EYS: variants seen among roughly 807,000 people sequenced by gnomAD.
The protein encoded by EYS is EGF-like photoreceptor maintenance factor.
A neutral mutation model predicts 282.1 loss-of-function variants in EYS; 250 were observed. The observed-to-expected ratio is 0.89, with a 90% CI of 0.80 to 0.98. The LOEUF (loss-of-function observed/expected upper bound fraction) is 0.98, where lower values mean the gene tolerates loss of function less well. Ranked by LOEUF, EYS falls within the 50% of genes least tolerant of loss-of-function variation. The pLI is 0.00. For missense variants in EYS, 4,016 were observed against 3,709.0 expected (o/e 1.08, Z -2.15); for synonymous variants, 1,355 against 1,282.9 (o/e 1.06, Z -1.20).
chr6:64,815,109 T>C (rs1008377784), intron 21 of EYS: 10 of 304,144 alleles, frequency 3.3e-5, no homozygotes, highest in Admixed American at 1.4e-4. Flanking sequence ...CAGTATAATA[T>C]TCCAGTCATG....
At chr6:65,499,923 A>G (rs1397587045) in intron 2 of EYS, among the ~76,000 whole-genome samples, 1 of 151,994 alleles carries the variant, frequency 6.6e-6, no homozygotes, top group African/African-American at 2.4e-5. Context: ...GATTATGACA[A>G]TGATCCTGTG....
chr6:64,802,717 A>C (rs1764284931), intron 22 of EYS, among the ~76,000 whole-genome samples: 2 of 152,166 alleles, frequency 1.3e-5, no homozygotes, highest in Admixed American at 1.3e-4. Flanking sequence ...AACTATCTCA[A>C]GATGAAGTTT....
intron 11 of EYS, chr6:65,302,404 A>G: frequency 1.5e-6 from 1 of 657,780 alleles, no homozygotes; most frequent in South Asian, 1.9e-5. Context: ...AATTTCTGTG[A>G]TCAAGTTGTC....
chr6:63,741,782 C>T (rs916733729), intron 41 of EYS: 23 of 595,300 alleles, frequency 3.9e-5, no homozygotes, highest in Middle Eastern at 2.6e-4. Context: ...CTGAATCAAA[C>T]TGTCAACATT....
intron 31 of EYS, among the ~76,000 whole-genome samples, chr6:64,174,098 A>T (rs1460972054): frequency 5.3e-5 from 8 of 152,188 alleles, no homozygotes; most frequent in Non-Finnish European, 1.2e-4. Context: ...TTCCACTTAC[A>T]TGGGGCATCT....
chr6:65,047,191 T>C (rs1773131076), intron 13 of EYS, among the ~76,000 whole-genome samples: 1 of 151,946 alleles, frequency 6.6e-6, no homozygotes, highest in African/African-American at 2.4e-5. Flanking sequence ...TAAATTGTTA[T>C]TTTTCTAGTC....
chr6:64,616,365 T>C (rs1240822173), intron 24 of EYS, among the ~76,000 whole-genome samples: 1 of 152,122 alleles, frequency 6.6e-6, no homozygotes, highest in Non-Finnish European at 1.5e-5. Flanking sequence ...AGAGAAAATC[T>C]TTTTCCTAGG....
chr6:64,087,563 T>C (rs1010724733), intron 31 of EYS, among the ~76,000 whole-genome samples: 1 of 152,134 alleles, frequency 6.6e-6, no homozygotes, highest in African/African-American at 2.4e-5. Context: ...CTGTGTTTGA[T>C]TCACCTTTGA....
intron 33 of EYS, among the ~76,000 whole-genome samples, chr6:64,030,937 C>T (rs946011816): frequency 5.3e-5 from 8 of 152,236 alleles, no homozygotes; most frequent in East Asian, 1.9e-4. Context: ...GTAGCTAGAG[C>T]GGTCATCGGC....
At chr6:63,867,030 CA>C (rs1772686483) in intron 35 of EYS, among the ~76,000 whole-genome samples, 1 of 152,144 alleles carries the variant, frequency 6.6e-6, no homozygotes, top group African/African-American at 2.4e-5. Flanking sequence ...ACAACTTCTT[CA>C]AAAGCTACCA....
chr6:65,557,402 C>G (rs1768859046), intron 2 of EYS, among the ~76,000 whole-genome samples: 1 of 152,202 alleles, frequency 6.6e-6, no homozygotes, highest in South Asian at 2.1e-4. Context: ...GGCGCTGGCA[C>G]AGGTGCGAGT....
At chr6:65,206,155 A>G (rs1766028483) in intron 12 of EYS, among the ~76,000 whole-genome samples, 1 of 151,824 alleles carries the variant, frequency 6.6e-6, no homozygotes, top group African/African-American at 2.4e-5. Context: ...TAACCAAAAA[A>G]AGACAGAAGA....
Position 63,778,121 on chromosome 6 carries a change from T to A in EYS, c.7783A>T (p.Asn2595Tyr), listed in dbSNP as rs1251745899. ...CCAGCATTTGGGTGGCCCTCAGGATTTCCCAGTCCTCTGAAATGGCCATCC... is the reference window on the plus strand; with the variant it reads ...CCAGCATTTGGGTGGCCCTCAGGATATCCCAGTCCTCTGAAATGGCCATCC... ...EKDGHFRGLG[N>Y]PEGHPNAGRS... is the part of the protein sequence containing the mutation. Residue 2595 changes from asparagine (N) to tyrosine (Y), a missense_variant, in exon 40 of 43, where the codon AAT becomes TAT. Transcript: ENST00000503581. The A allele has an allele frequency of 1.3e-6, 2 of 1,551,698 alleles. No individual in the cohort carries two copies. The highest frequency in any genetic ancestry group is 4.9e-5 in the East Asian group (2 of 40,936).
intron 12 of EYS, among the ~76,000 whole-genome samples, chr6:65,228,500 A>G (rs1766686275): frequency 3.3e-5 from 5 of 152,036 alleles, no homozygotes; most frequent in Non-Finnish European, 5.9e-5. Context: ...CATTAATAAT[A>G]CTTTTCCTCT....
intron 31 of EYS, among the ~76,000 whole-genome samples, chr6:64,184,157 G>C (rs574053813): frequency 6.6e-6 from 1 of 152,044 alleles, no homozygotes; most frequent in Non-Finnish European, 1.5e-5. Context: ...CCATTGGGTC[G>C]TTTTGCCATT....
chr6:63,866,099 G>C (rs530362048), intron 35 of EYS, among the ~76,000 whole-genome samples: 4 of 152,280 alleles, frequency 2.6e-5, no homozygotes, highest in African/African-American at 9.6e-5. Context: ...TGGTTATAAA[G>C]TATCCTGAGC....
intron 35 of EYS, among the ~76,000 whole-genome samples, chr6:63,939,706 G>GA (rs898199707): frequency 1.7e-4 from 26 of 150,614 alleles, no homozygotes; most frequent in Non-Finnish European, 2.4e-4. Flanking sequence ...CAGAAATATT[G>GA]AAAAAAAACT....
chr6:64,480,934 CT>C (rs1252629921), intron 26 of EYS, among the ~76,000 whole-genome samples: 2 of 151,338 alleles, frequency 1.3e-5, no homozygotes, highest in African/African-American at 2.4e-5. Flanking sequence ...TTTTCCAAGA[CT>C]TTTTTTTCAG....
chr6:64,130,081 A>G (rs369757001), intron 31 of EYS, among the ~76,000 whole-genome samples: 2 of 152,160 alleles, frequency 1.3e-5, no homozygotes. Flanking sequence ...CCAGCTCCTC[A>G]GGGATCTAGA....
Sources: allele counts gnomAD v4.1 joint callset (sites outside exome capture counted in the v4.1 genomes callset), GRCh38; gene constraint gnomAD v4.1.1; transcripts MANE v1.5; gene names NCBI Gene and HGNC (gene_info 2026-07-23, HGNC 2026-07-21).